The following TEK variants were observed in gnomAD, a reference collection of about 807,000 sequenced individuals.
TEK encodes the protein TEK receptor tyrosine kinase.
In TEK, 43 loss-of-function variants were observed where a neutral mutation model predicts 131.8. The observed-to-expected ratio is 0.33, with a 90% CI of 0.26 to 0.42. The LOEUF is 0.42. Ranked by LOEUF, TEK falls within the 10% of genes least tolerant of loss-of-function variation. The pLI is 1.00. For synonymous variants in TEK, 580 were observed against 491.6 expected (o/e 1.18, Z -2.38); for missense variants, 1,162 against 1,384.4 (o/e 0.84, Z 2.55).
chr9:27,126,643 G>A (rs1027279202), intron 1 of TEK, among the ~76,000 whole-genome samples: 2 of 152,202 alleles, frequency 1.3e-5, no homozygotes, highest in African/African-American at 4.8e-5. Context: ...ATATAGCACA[G>A]ACCAGAGAGA....
At chr9:27,167,321 G>A (rs759851074) in intron 2 of TEK, among the ~76,000 whole-genome samples, 5 of 151,970 alleles carry the variant, frequency 3.3e-5, no homozygotes, top group Non-Finnish European at 7.4e-5. Flanking sequence ...TCCGCCTCCC[G>A]GATTCAAGCA....
At chr9:27,225,397 G>T (rs894972995) in intron 21 of TEK, among the ~76,000 whole-genome samples, 1 of 152,082 alleles carries the variant, frequency 6.6e-6, no homozygotes. Context: ...CAGATATATA[G>T]ACCAAAGGAA....
At chr9:27,174,748 C>G (rs2131153304) in intron 6 of TEK, among the ~76,000 whole-genome samples, 1 of 152,248 alleles carries the variant, frequency 6.6e-6, no homozygotes, top group Admixed American at 6.5e-5. Context: ...TGAGCCACAG[C>G]AGTGGAGAAA....
At chr9:27,146,853 T>C (rs528337238) in intron 1 of TEK, among the ~76,000 whole-genome samples, 8 of 150,742 alleles carry the variant, frequency 5.3e-5, no homozygotes, top group Non-Finnish European at 8.9e-5. Context: ...CCTCAGCCTC[T>C]CGAGTAGCTG....
intron 1 of TEK, among the ~76,000 whole-genome samples, chr9:27,134,761 A>T (rs12344820): frequency 0.018 from 2,664 of 152,218 alleles, 72 homozygotes; most frequent in African/African-American, 0.061. Flanking sequence ...ATGATCCCCT[A>T]CTAGAAGTCA....
At chr9:27,112,359 G>A (rs1821378618) in intron 1 of TEK, among the ~76,000 whole-genome samples, 1 of 152,184 alleles carries the variant, frequency 6.6e-6, no homozygotes, top group Non-Finnish European at 1.5e-5. Flanking sequence ...AGTAATCAAG[G>A]GTGGAGGTCT....
chr9:27,139,560 G>A (rs986618287), intron 1 of TEK, among the ~76,000 whole-genome samples: 6 of 151,782 alleles, frequency 4.0e-5, no homozygotes, highest in African/African-American at 7.3e-5. Flanking sequence ...CTGACCTTAG[G>A]TGATCCGCCC....
intron 21 of TEK, among the ~76,000 whole-genome samples, chr9:27,225,252 A>G (rs1238946567): frequency 6.6e-6 from 1 of 152,336 alleles, no homozygotes; most frequent in Admixed American, 6.5e-5. Flanking sequence ...TAAATTTCAT[A>G]TGGAACCAAA....
At chr9:27,225,035 G>C (rs1222991602) in intron 21 of TEK, among the ~76,000 whole-genome samples, 1 of 152,114 alleles carries the variant, frequency 6.6e-6, no homozygotes, top group African/African-American at 2.4e-5. Context: ...AAATATCTAG[G>C]AATCCAACTT....
chr9:27,115,601 G>T (rs1204108804), intron 1 of TEK, among the ~76,000 whole-genome samples: 1 of 152,148 alleles, frequency 6.6e-6, no homozygotes, highest in East Asian at 1.9e-4. Context: ...GTAGTATTTT[G>T]AAAACAACTT....
Position 27,206,604 on chromosome 9 carries a change from T to C in TEK, c.2387T>C (p.Phe796Ser), listed in dbSNP as rs1422430410. 1 of 1,613,962 alleles carries C rather than the reference T, an allele frequency of 6.2e-7. No homozygotes were observed. The change falls in exon 15 of 23, where the codon TTC becomes TCC. Residue 796 changes from phenylalanine to serine, a missense_variant. Physicochemically the swap from Phe to Ser is radical, Grantham distance 155. Coordinates refer to ENST00000380036, the MANE Select transcript of TEK (RefSeq NM_000459.5). ...QNVREEPAVQFNSGTLALNRK... is the reference protein window; with the variant it reads ...QNVREEPAVQSNSGTLALNRK... ...CAGAGGGAAGAACCAGCTGTGCAGT[T>C]CAACTCAGGGACTCTGGCCCTAAAC... is the stretch of plus-strand genomic sequence containing the variant.
intron 1 of TEK, among the ~76,000 whole-genome samples, chr9:27,114,901 A>ATCAT (rs1821490606): frequency 6.6e-6 from 1 of 152,184 alleles, no homozygotes; most frequent in African/African-American, 2.4e-5. Flanking sequence ...CTGTGTGCCA[A>ATCAT]TCATTCATTC....
At chr9:27,189,734 G>A (rs7865992) in intron 9 of TEK, among the ~76,000 whole-genome samples, 76,461 of 151,886 alleles carry the variant, frequency 0.5, 19,440 homozygotes, top group Admixed American at 0.61. Context: ...GAAACAGATG[G>A]TCTCCTAAGC....
At position 27,173,356 on chromosome 9, in the gene TEK, A is replaced by G. The variant is rs768693441; in HGVS notation, c.895A>G (p.Asn299Asp). The change falls in exon 6 of 23, where the codon AAT (asparagine) becomes GAT (aspartate). Residue 299 changes from asparagine (N) to aspartate (D), a missense_variant. This residue lies in a region of TEK where 436 missense variants were observed against 539.1 expected (regional missense o/e 0.81). Transcript: ENST00000380036. ...CATGWKGLQC[N>D]EACHPGFYGP... ...CACAGGCTGGAAGGGTCTGCAGTGC[A>G]ATGAAGGTATGCACCAATCACACCC... 5.6e-6 allele frequency: 9 copies of G among 1,613,884 alleles called. No individual in the cohort carries two copies. The Admixed American group carries it at 1.5e-4, about 27-fold the overall frequency.
At chr9:27,192,828 C>T (rs1340794747) in intron 11 of TEK, among the ~76,000 whole-genome samples, 1 of 152,132 alleles carries the variant, frequency 6.6e-6, no homozygotes, top group African/African-American at 2.4e-5. Context: ...GGTTGGACTC[C>T]TGGTCTGTCT....
At chr9:27,218,947 G>GAAAC (rs1294330759) in intron 20 of TEK, 130 bp downstream of exon 20, 2 of 915,614 alleles carry the variant, frequency 2.2e-6, no homozygotes, top group Non-Finnish European at 1.8e-6. Context: ...CTTGGAAATA[G>GAAAC]AAACATAGTG....
At chr9:27,114,092 A>G (rs1821452038) in intron 1 of TEK, among the ~76,000 whole-genome samples, 2 of 152,234 alleles carry the variant, frequency 1.3e-5, no homozygotes, top group Admixed American at 6.5e-5. Flanking sequence ...ATTTAGCCCA[A>G]TTAGCCTCTA....
At chr9:27,213,887 A>T (rs1825721869) in intron 18 of TEK, among the ~76,000 whole-genome samples, 1 of 152,222 alleles carries the variant, frequency 6.6e-6, no homozygotes, top group Admixed American at 6.5e-5. Context: ...ACCCCAAGGC[A>T]TCTCACTCAG....
chr9:27,136,371 C>T (rs1283761596), intron 1 of TEK, among the ~76,000 whole-genome samples: 3 of 152,080 alleles, frequency 2.0e-5, no homozygotes, highest in African/African-American at 4.8e-5. Flanking sequence ...TGAGCCACTG[C>T]GCCGGTCCCT....
Sources: allele counts gnomAD v4.1 joint callset (sites outside exome capture counted in the v4.1 genomes callset), GRCh38; gene constraint gnomAD v4.1.1; regional missense constraint gnomAD v4.1.1; transcripts MANE v1.5; gene names NCBI Gene and HGNC (gene_info 2026-07-23, HGNC 2026-07-21).